The following DSCAM variants were observed in gnomAD, a reference collection of about 807,000 sequenced individuals.
DSCAM encodes the protein cell adhesion molecule DSCAM.
In DSCAM, 47 loss-of-function variants were observed where a neutral mutation model predicts 217.7. The observed-to-expected ratio is 0.22, with a 90% CI of 0.17 to 0.28. The LOEUF (loss-of-function observed/expected upper bound fraction) is 0.28. DSCAM is among the 10% of genes least tolerant of loss of function. The pLI, the probability that DSCAM is intolerant of heterozygous loss-of-function variation, is 1.00. For synonymous variants in DSCAM, 1,056 were observed against 1,015.3 expected (o/e 1.04, Z -0.76); for missense variants, 2,080 against 2,618.3 (o/e 0.79, Z 4.49).
intron 3 of DSCAM, among the ~76,000 whole-genome samples, chr21:40,444,827 T>C (rs922730447): frequency 6.6e-6 from 1 of 152,166 alleles, no homozygotes; most frequent in Non-Finnish European, 1.5e-5. Context: ...GGATTTGTAA[T>C]GTACCCTGGA....
At chr21:40,471,469 T>C (rs2075887784) in intron 3 of DSCAM, among the ~76,000 whole-genome samples, 1 of 152,220 alleles carries the variant, frequency 6.6e-6, no homozygotes, top group South Asian at 2.1e-4. Context: ...AGTAACTGAT[T>C]ATGCATGAGA....
intron 3 of DSCAM, among the ~76,000 whole-genome samples, chr21:40,616,740 G>A (rs374878377): frequency 1.3e-5 from 2 of 152,140 alleles, no homozygotes; most frequent in African/African-American, 2.4e-5. Context: ...GTTATTGGCC[G>A]GGCGCGGTGG....
At chr21:40,454,203 G>A (rs1294219666) in intron 3 of DSCAM, among the ~76,000 whole-genome samples, 1 of 152,170 alleles carries the variant, frequency 6.6e-6, no homozygotes, top group Non-Finnish European at 1.5e-5. Flanking sequence ...TCAGGGGACT[G>A]TTCAGGTTTC....
At chr21:40,122,339 T>C (rs902028103) in intron 20 of DSCAM, among the ~76,000 whole-genome samples, 4 of 152,170 alleles carry the variant, frequency 2.6e-5, no homozygotes, top group Admixed American at 2.0e-4. Context: ...GAGAGGAAGC[T>C]GCTGGTCTTT....
intron 16 of DSCAM, among the ~76,000 whole-genome samples, chr21:40,155,253 A>C (rs2090463745): frequency 6.6e-6 from 1 of 152,052 alleles, no homozygotes; most frequent in African/African-American, 2.4e-5. Flanking sequence ...CTATGAATCA[A>C]CTCTGAGGGC....
At chr21:40,126,696 T>C (rs16999344) in intron 19 of DSCAM, among the ~76,000 whole-genome samples, 10,496 of 152,284 alleles carry the variant, frequency 0.069, 435 homozygotes, top group East Asian at 0.11. Flanking sequence ...TGGTGATTCC[T>C]TGTTTTAAGT....
chr21:40,281,598 G>A (rs191816940), intron 10 of DSCAM, among the ~76,000 whole-genome samples: 2 of 152,224 alleles, frequency 1.3e-5, no homozygotes, highest in African/African-American at 2.4e-5. Flanking sequence ...ATGTACAAAC[G>A]TTATCTCCTT....
chr21:40,435,896 C>T (rs866039492), intron 3 of DSCAM, among the ~76,000 whole-genome samples: 3 of 152,068 alleles, frequency 2.0e-5, no homozygotes, highest in Middle Eastern at 3.2e-3. Context: ...GATATGATAC[C>T]CTCTCATGAT....
At chr21:40,750,758 T>C (rs1336449792) in intron 1 of DSCAM, among the ~76,000 whole-genome samples, 2 of 152,150 alleles carry the variant, frequency 1.3e-5, no homozygotes, top group Non-Finnish European at 2.9e-5. Context: ...CCCTCTGCCA[T>C]TCTAACTGCT....
intron 3 of DSCAM, among the ~76,000 whole-genome samples, chr21:40,521,511 T>C (rs1250214038): frequency 3.3e-5 from 5 of 152,224 alleles, no homozygotes; most frequent in African/African-American, 1.2e-4. Context: ...TGATGATTAG[T>C]GATGCTGAGA....
intron 3 of DSCAM, among the ~76,000 whole-genome samples, chr21:40,517,398 ACAAG>A (rs1252594108): frequency 3.6e-4 from 40 of 110,006 alleles, no homozygotes; most frequent in Middle Eastern, 9.0e-3. Context: ...ATACACACAC[ACAAG>A]CAACACACAC....
chr21:40,347,656 C>A lies in DSCAM; in HGVS notation c.1210+14G>T, dbSNP rs74522232. On this transcript the variant is annotated intron_variant, in intron 6 of 32. Transcript: ENST00000400454. ...GTTCTTTTTCAGCCATACCCTGAAACGAGGCCCACTGACCTTCAAGGACCA... is the reference window on the plus strand; with the variant it reads ...GTTCTTTTTCAGCCATACCCTGAAAAGAGGCCCACTGACCTTCAAGGACCA... 1.9e-6 allele frequency: 3 copies of A among 1,612,808 alleles called. No homozygotes were observed. Among genetic ancestry groups the A allele is most frequent in the Non-Finnish European group, 2.5e-6 (3 of 1,179,638 alleles).
chr21:40,391,791 A>T (rs2837607), intron 3 of DSCAM, among the ~76,000 whole-genome samples: 103,500 of 152,154 alleles, frequency 0.68, 36,127 homozygotes, highest in African/African-American at 0.83. Context: ...TGCAAAAATT[A>T]GAAGATTGCT....
At chr21:40,293,572 T>G (rs942399884) in intron 10 of DSCAM, among the ~76,000 whole-genome samples, 2 of 152,164 alleles carry the variant, frequency 1.3e-5, no homozygotes, top group Non-Finnish European at 2.9e-5. Context: ...TAATTATTGA[T>G]GTACTACAAT....
At chr21:40,451,706 A>C (rs1485760978) in intron 3 of DSCAM, among the ~76,000 whole-genome samples, 8 of 152,140 alleles carry the variant, frequency 5.3e-5, no homozygotes, top group African/African-American at 1.7e-4. Context: ...AAATCAAATC[A>C]CTAGGGTTCG....
chr21:40,727,330 C>T (rs1156749416), intron 1 of DSCAM, among the ~76,000 whole-genome samples: 1 of 152,198 alleles, frequency 6.6e-6, no homozygotes, highest in Non-Finnish European at 1.5e-5. Flanking sequence ...CTTAAAACTT[C>T]AAGAAGTTTT....
At chr21:40,197,129 TC>T (rs71933735) in intron 11 of DSCAM, among the ~76,000 whole-genome samples, 17,080 of 151,658 alleles carry the variant, frequency 0.11, 2,618 homozygotes, top group African/African-American at 0.35. Context: ...TTTCTTTTTT[TC>T]TTTTTTGAGA....
intron 2 of DSCAM, among the ~76,000 whole-genome samples, chr21:40,695,085 C>G (rs8128580): frequency 0.19 from 29,386 of 152,030 alleles, 3,662 homozygotes; most frequent in African/African-American, 0.36. Flanking sequence ...GCAATAAAAT[C>G]ACTCTGTCTC....
chr21:40,064,856 G>T (rs1189906889), intron 27 of DSCAM, among the ~76,000 whole-genome samples: 1 of 152,150 alleles, frequency 6.6e-6, no homozygotes, highest in Non-Finnish European at 1.5e-5. Flanking sequence ...GCTTCTACCT[G>T]GGCCAAAGGG....
Sources: gnomAD v4.1 joint callset for allele counts (sites outside exome capture counted in the v4.1 genomes callset) on GRCh38, gnomAD v4.1.1 for gene constraint, MANE v1.5 for transcripts, NCBI Gene and HGNC (gene_info 2026-07-23, HGNC 2026-07-21) for gene names.